Variants in ICA1 observed in about 807,000 individuals in gnomAD.
ICA1 encodes the protein islet cell autoantigen 1, also known as 69 kDa islet cell autoantigen.
In ICA1, 40 loss-of-function variants were observed where a neutral mutation model predicts 71.0. The observed-to-expected ratio is 0.56, with a 90% CI of 0.44 to 0.73. The LOEUF is 0.73. ICA1 is among the 30% of genes least tolerant of loss of function. The probability of loss-of-function intolerance (pLI) is 0.00; values close to 1 mark genes in which losing one functional copy is unlikely to be tolerated. For missense variants in ICA1, 578 were observed against 576.5 expected, an observed-to-expected ratio of 1.00 and a Z score of -0.03; for synonymous variants, 207 against 209.5, an observed-to-expected ratio of 0.99 and a Z score of 0.10.
intron 6 of ICA1, among the ~76,000 whole-genome samples, chr7:8,160,638 G>C (rs1803411109): frequency 6.6e-6 from 1 of 152,206 alleles, no homozygotes; most frequent in Admixed American, 6.5e-5. Flanking sequence ...TTAATACTCT[G>C]TATGAATAGA....
intron 4 of ICA1, among the ~76,000 whole-genome samples, chr7:8,225,842 T>A (rs113518390): frequency 0.012 from 1,801 of 152,296 alleles, 28 homozygotes; most frequent in African/African-American, 0.042. Context: ...ATCTGCAATA[T>A]CTTATCTATT....
rs1805550639 is a variant in ICA1 at position 8,245,308 on chromosome 7, G to C, written c.-79-9303C>G. ...CATCACTCTGAGCAAACTATCACAAGGACAGAAATCCAAGCACCACATGTT... is the reference window on the plus strand; with the variant it reads ...CATCACTCTGAGCAAACTATCACAACGACAGAAATCCAAGCACCACATGTT... On this transcript the variant is annotated intron_variant, in intron 1 of 13. Transcript: ENST00000402384. Among the ~76,000 whole-genome samples, 4 of 151,080 alleles carry C rather than the reference G, an allele frequency of 2.6e-5. No individual in the cohort carries two copies. The South Asian group carries it at 8.3e-4, about 32-fold the overall frequency.
At chr7:8,207,963 G>A (rs932752042) in intron 6 of ICA1, among the ~76,000 whole-genome samples, 2 of 152,138 alleles carry the variant, frequency 1.3e-5, no homozygotes, top group Non-Finnish European at 2.9e-5. Flanking sequence ...GACAACCTAT[G>A]ACTCCATTAT....
intron 6 of ICA1, among the ~76,000 whole-genome samples, chr7:8,170,717 C>A (rs1808011270): frequency 6.6e-6 from 1 of 151,998 alleles, no homozygotes; most frequent in African/African-American, 2.4e-5. Context: ...TTTGGAGATT[C>A]CTTAGAATTT....
intron 1 of ICA1, among the ~76,000 whole-genome samples, chr7:8,250,865 G>A (rs148785080): frequency 2.0e-5 from 3 of 152,164 alleles, no homozygotes; most frequent in Non-Finnish European, 2.9e-5. Context: ...TGTGTTTTCT[G>A]TTAATGAACT....
chr7:8,155,383 C>A (rs936692432), intron 8 of ICA1, among the ~76,000 whole-genome samples: 1 of 152,190 alleles, frequency 6.6e-6, no homozygotes, highest in African/African-American at 2.4e-5. Context: ...TCAGCTTGAT[C>A]CTCTCTGCAG....
Position 8,232,750 on chromosome 7 carries a change from T to C in ICA1, c.23A>G (p.Tyr8Cys). The C allele has an allele frequency of 6.3e-7, 1 of 1,590,642 alleles. No individual in the cohort carries two copies. Residue 8 changes from tyrosine to cysteine, a missense_variant, in exon 3 of 14, where the codon TAT (tyrosine) becomes TGT (cysteine). Transcript: ENST00000402384. Reference protein sequence around the residue: MSGHKCSYPWDLQDRYAQ... With the variant: MSGHKCSCPWDLQDRYAQ... ...ATATCGATCCTGTAAGTCCCAGGGA[T>C]AACTGCTAAAAACATTTAAAGAACT... is the stretch of plus-strand genomic sequence containing the variant.
intron 10 of ICA1, among the ~76,000 whole-genome samples, chr7:8,139,630 T>G (rs746132495): frequency 6.6e-6 from 1 of 152,226 alleles, no homozygotes; most frequent in Admixed American, 6.5e-5. Flanking sequence ...GCCCACAAAA[T>G]GTATAACACC....
At chr7:8,156,834 C>A (rs536096765) in intron 8 of ICA1, 14 of 1,485,074 alleles carry the variant, frequency 9.4e-6, no homozygotes, top group South Asian at 1.4e-5. Context: ...AAGTTCACCA[C>A]AATTCATCTC....
rs1414706894 is a variant in ICA1, at chr7:8,128,160, G to C, written c.1061-18C>G. ...CAGGCAAGCTGATTGAAGTAACAGA[G>C]AACAAAACGTCACCACGGAGGGCTC... On this transcript the variant is annotated intron_variant, in intron 12 of 13. Coordinates refer to ENST00000402384, the MANE Select transcript of ICA1 (RefSeq NM_001136020.3). 6.2e-7 allele frequency: 1 copy of C among 1,610,000 alleles called. No homozygotes were observed. The highest frequency in any genetic ancestry group is 1.1e-5 in the South Asian group (1 of 90,762).
chr7:8,179,802 G>A (rs771823658), intron 6 of ICA1, among the ~76,000 whole-genome samples: 8 of 151,854 alleles, frequency 5.3e-5, no homozygotes, highest in Non-Finnish European at 1.2e-4. Context: ...GAATATTTAG[G>A]GCTGGGAGAT....
chr7:8,125,994 A>G (rs1326210227), intron 13 of ICA1, among the ~76,000 whole-genome samples: 2 of 152,206 alleles, frequency 1.3e-5, no homozygotes, highest in African/African-American at 4.8e-5. Flanking sequence ...CACAGCTCTC[A>G]GGCATAGTCT....
rs112867764 is a variant in ICA1, at chr7:8,232,196, T to C, written c.183+394A>G. 1.6e-3 allele frequency among the ~76,000 whole-genome samples: 242 copies of C among 152,282 alleles called. 1 individual carries two copies. The highest frequency in any genetic ancestry group is 5.7e-3 in the African/African-American group (235 of 41,554). On this transcript the variant is annotated intron_variant, in intron 3 of 13. Transcript: ENST00000402384. ...ATTTTCCAGGGTCCAATACAAAACT[T>C]ATTAGACTCTACTTTCCACGACGTT...
chr7:8,216,223 T>C (rs1441288908), intron 6 of ICA1, among the ~76,000 whole-genome samples: 1 of 152,170 alleles, frequency 6.6e-6, no homozygotes, highest in Non-Finnish European at 1.5e-5. Flanking sequence ...ATGTGCTCAT[T>C]TGGGGTCAAG....
rs113005289 is a variant in ICA1, at chr7:8,234,202, C to A, written c.18-1447G>T. 2.0e-5 allele frequency among the ~76,000 whole-genome samples: 3 copies of A among 151,864 alleles called. No homozygotes were observed. The highest frequency in any genetic ancestry group is 7.3e-5 in the African/African-American group (3 of 41,286). On this transcript the variant is annotated intron_variant, in intron 2 of 13. Transcript: ENST00000402384. This position sits in a 1 kb window ranked among gnomAD's most constrained non-coding sequence, Gnocchi z 4.5. ...CTGCACTTCATCCTGGGATACGGGGCGAGACCCTGTCCCTCAAAAAAGAAA... is the reference window on the plus strand; with the variant it reads ...CTGCACTTCATCCTGGGATACGGGGAGAGACCCTGTCCCTCAAAAAAGAAA...
At chr7:8,178,523 T>C (rs1781267285) in intron 6 of ICA1, among the ~76,000 whole-genome samples, 1 of 151,996 alleles carries the variant, frequency 6.6e-6, no homozygotes, top group East Asian at 1.9e-4. Flanking sequence ...TTTGGGTCTG[T>C]AGCTTCTATT....
At chr7:8,246,474 G>A (rs1401609985) in intron 1 of ICA1, among the ~76,000 whole-genome samples, 3 of 152,264 alleles carry the variant, frequency 2.0e-5, no homozygotes, top group South Asian at 2.1e-4. Context: ...CTCAGAGGTG[G>A]AACTGCTGCT....
chr7:8,247,762 T>A (rs913096794), intron 1 of ICA1, among the ~76,000 whole-genome samples: 3 of 152,186 alleles, frequency 2.0e-5, no homozygotes, highest in Non-Finnish European at 2.9e-5. Context: ...GACCTAGAAC[T>A]TTTTCTATGC....
In ICA1 at chr7:8,128,212, G is replaced by A. The variant is rs975400720; in HGVS notation, c.1061-70C>T. Reference sequence around the variant, plus strand: ...AGCCCTCAGGAATCAATGCTGTGGGGGCTGCGAAGGGGGAGACTGGTTGAT... The same window carrying A: ...AGCCCTCAGGAATCAATGCTGTGGGAGCTGCGAAGGGGGAGACTGGTTGAT... On this transcript the variant is annotated intron_variant, in intron 12 of 13. Transcript: ENST00000402384. The A allele has an allele frequency of 9.3e-5, 139 of 1,500,620 alleles. No homozygotes were observed. The African/African-American group carries it at 1.6e-3, about 17-fold the overall frequency. The allele number at this position is 1,500,620 out of a possible 1,614,324, so 93.0% of individuals were successfully genotyped here.
Sources: gnomAD v4.1 joint callset for allele counts (sites outside exome capture counted in the v4.1 genomes callset) on GRCh38, gnomAD v4.1.1 for gene constraint, Gnocchi (gnomAD v3.1) non-coding constraint, MANE v1.5 for transcripts, NCBI Gene and HGNC (gene_info 2026-07-23, HGNC 2026-07-21) for gene names.